The following TANC2 variants were observed in gnomAD, a reference collection of about 807,000 sequenced individuals.
The protein encoded by TANC2 is tetratricopeptide repeat, ankyrin repeat and coiled-coil containing 2.
Under a neutral mutation model 210.5 loss-of-function variants are expected in TANC2, and 26 were observed. The observed-to-expected ratio is 0.12, with a 90% CI of 0.09 to 0.17. TANC2 has a LOEUF of 0.17. Among genes scored for constraint, TANC2 ranks in the 10% least tolerant of loss-of-function variants. The probability of loss-of-function intolerance (pLI) is 1.00; values close to 1 mark genes in which losing one functional copy is unlikely to be tolerated. For missense variants in TANC2, 2,129 were observed against 2,608.9 expected, an observed-to-expected ratio of 0.82 and a Z score of 4.01; for synonymous variants, 931 against 967.1, an observed-to-expected ratio of 0.96 and a Z score of 0.69.
chr17:62,995,053 G>A (rs947041832), intron 1 of TANC2, among the ~76,000 whole-genome samples: 2 of 152,150 alleles, frequency 1.3e-5, no homozygotes, highest in African/African-American at 2.4e-5. Flanking sequence ...AGGATGAAAC[G>A]GTTATCACTT....
At chr17:63,397,029 C>G (rs1409925439) in intron 18 of TANC2, 1 of 150,792 alleles carries the variant, frequency 6.6e-6, no homozygotes, top group African/African-American at 2.4e-5. Flanking sequence ...AATCCCAGCA[C>G]TTTGGGAGGC....
intron 11 of TANC2, among the ~76,000 whole-genome samples, chr17:63,327,159 A>G (rs1206749173): frequency 6.6e-6 from 1 of 152,370 alleles, no homozygotes; most frequent in East Asian, 1.9e-4. Flanking sequence ...GGAAATGCAA[A>G]TTAAAACCAC....
intron 14 of TANC2, among the ~76,000 whole-genome samples, chr17:63,367,165 G>A (rs2047134598): frequency 6.6e-6 from 1 of 152,168 alleles, no homozygotes; most frequent in Non-Finnish European, 1.5e-5. Context: ...CCACTTGCTT[G>A]GTTTTATTCA....
At chr17:63,011,396 A>G (rs1283516172) in intron 2 of TANC2, among the ~76,000 whole-genome samples, 1 of 152,204 alleles carries the variant, frequency 6.6e-6, no homozygotes, top group Non-Finnish European at 1.5e-5. Flanking sequence ...TTCTGAATGT[A>G]CCTGAAAATA....
chr17:63,039,066 AATT>A (rs1202404139), intron 2 of TANC2, among the ~76,000 whole-genome samples: 1 of 152,260 alleles, frequency 6.6e-6, no homozygotes, highest in East Asian at 1.9e-4. Context: ...CTAATAAATG[AATT>A]ATTTGTTGAT....
At chr17:63,184,010 G>A (rs1400157882) in intron 5 of TANC2, among the ~76,000 whole-genome samples, 11 of 147,844 alleles carry the variant, frequency 7.4e-5, no homozygotes, top group South Asian at 6.3e-4. Flanking sequence ...GCGAGACTCC[G>A]TCTCAAAAAA....
chr17:63,310,274 CTA>C (rs780123544), intron 9 of TANC2, among the ~76,000 whole-genome samples: 2 of 152,058 alleles, frequency 1.3e-5, no homozygotes, highest in Non-Finnish European at 2.9e-5. Context: ...TGGTGAAACC[CTA>C]TCTCTACTAA....
At chr17:63,311,181 C>T (rs1237985225) in intron 9 of TANC2, among the ~76,000 whole-genome samples, 1 of 152,142 alleles carries the variant, frequency 6.6e-6, no homozygotes, top group African/African-American at 2.4e-5. Context: ...AAGGCTATTT[C>T]ATTGTTAGCT....
chr17:63,154,773 G>A (rs1163754933), intron 5 of TANC2: 3 of 152,058 alleles, frequency 2.0e-5, no homozygotes, highest in Non-Finnish European at 4.4e-5. Context: ...TTTTTGTTAA[G>A]TGTGTCCTGT....
At chr17:63,407,769 C>T (rs2048560268) in intron 21 of TANC2, among the ~76,000 whole-genome samples, 1 of 152,100 alleles carries the variant, frequency 6.6e-6, no homozygotes, top group Non-Finnish European at 1.5e-5. Context: ...CCTGAGTGCT[C>T]TGATACAGGC....
At chr17:63,391,273 T>G (rs947925190) in intron 17 of TANC2, 3 of 152,232 alleles carry the variant, frequency 2.0e-5, no homozygotes, top group Non-Finnish European at 4.4e-5. Flanking sequence ...CTAAGAGTCC[T>G]CTATACTGGC....
rs530154220 is a variant in TANC2 at position 63,001,176 on chromosome 17, A to G, written c.-23-8361A>G. Among the ~76,000 whole-genome samples the G allele has an allele frequency of 2.6e-5, 4 of 152,296 alleles. No homozygotes were observed. In the South Asian group the frequency reaches 8.3e-4, roughly 32 times the overall value. The stretch of plus-strand genomic sequence containing the variant: ...TTTCCTTTCAAAACTTTGAACAACT[A>G]TGTGTAAATAATCAGAGTTTGAGTT... On this transcript the variant is annotated intron_variant, in intron 1 of 27. Coordinates refer to ENST00000689528, the Ensembl canonical transcript of TANC2.
rs2048727401 is a variant in TANC2, at chr17:63,412,258, A to G, written c.3898+128A>G. 2.2e-6 allele frequency: 3 copies of G among 1,339,908 alleles called. No homozygotes were observed. Among genetic ancestry groups the G allele is most frequent in the Non-Finnish European group, 3.1e-6 (3 of 980,352 alleles). 83.0% of individuals were successfully genotyped at this position (1,339,908 alleles called of 1,614,324 possible). ...CTCCTCCCTGGCCCAATTATTGTCCAAGTGAACAGAGAGGCTCTTGGCCCA... is the reference window on the plus strand; with the variant it reads ...CTCCTCCCTGGCCCAATTATTGTCCGAGTGAACAGAGAGGCTCTTGGCCCA... On this transcript the variant is annotated intron_variant, in intron 23 of 27. Transcript: ENST00000689528. The surrounding 1 kb of genome is among the most constrained non-coding windows in gnomAD (Gnocchi z 4.2).
chr17:63,351,725 CTT>C (rs1567942679), intron 13 of TANC2, among the ~76,000 whole-genome samples: 1 of 152,112 alleles, frequency 6.6e-6, no homozygotes, highest in Non-Finnish European at 1.5e-5. Context: ...ATCTCTAACA[CTT>C]TGACTTTCGT....
intron 14 of TANC2, among the ~76,000 whole-genome samples, chr17:63,360,528 T>C (rs9910327): frequency 0.032 from 4,869 of 152,174 alleles, 88 homozygotes; most frequent in African/African-American, 0.045. Flanking sequence ...TACATACATA[T>C]ATATATATAT....
intron 9 of TANC2, 55 bp downstream of exon 9, chr17:63,267,928 A>G: frequency 1.3e-6 from 2 of 1,551,020 alleles, no homozygotes; most frequent in Non-Finnish European, 1.7e-6. Flanking sequence ...AAATGGGCAA[A>G]AGCCAAAAAG....
intron 26 of TANC2, 58 bp downstream of exon 26, chr17:63,415,732 A>C: frequency 6.4e-7 from 1 of 1,571,282 alleles, no homozygotes; most frequent in Non-Finnish European, 8.6e-7. Flanking sequence ...AGCCTGTGTC[A>C]CTCACTAGCT....
chr17:63,393,156 G>A (rs1486978695), intron 17 of TANC2, among the ~76,000 whole-genome samples: 1 of 152,178 alleles, frequency 6.6e-6, no homozygotes, highest in African/African-American at 2.4e-5. Flanking sequence ...CAGTTTTGAA[G>A]AATACCAGCC....
chr17:63,421,803 G>C lies in TANC2; in HGVS notation c.6073G>C (p.Ala2025Pro). 1 of 1,614,058 alleles carries C rather than the reference G, an allele frequency of 6.2e-7. No individual in the cohort carries two copies. Among genetic ancestry groups the C allele is most frequent in the South Asian group, 1.1e-5 (1 of 91,080 alleles). Residue 2025 changes from alanine to proline, a missense_variant, in exon 28 of 28, where the codon GCC (alanine) becomes CCC (proline). Physicochemically the swap from Ala to Pro is conservative, Grantham distance 27. Transcript: ENST00000689528. The surrounding 1 kb of genome is among the most constrained non-coding windows in gnomAD (Gnocchi z 6.9). ...AGACCTCTTGGAGCGAGTCAGCCAG[G>C]CCTCCTCCTATCCCGACGTGAAGGT...
Sources: allele counts gnomAD v4.1 joint callset (sites outside exome capture counted in the v4.1 genomes callset), GRCh38; gene constraint gnomAD v4.1.1; non-coding constraint Gnocchi (gnomAD v3.1); transcripts MANE v1.5; gene names NCBI Gene and HGNC (gene_info 2026-07-23, HGNC 2026-07-21).